The following KIF26A variants were observed in gnomAD, a reference collection of about 807,000 sequenced individuals.
KIF26A encodes the protein kinesin-like protein KIF26A.
In KIF26A, 74 loss-of-function variants were observed where a neutral mutation model predicts 126.0. The ratio of observed to expected loss-of-function variants is 0.59; its 90% CI spans 0.49 to 0.71. KIF26A has a LOEUF of 0.71. Ranked by LOEUF, KIF26A falls within the 30% of genes least tolerant of loss-of-function variation. KIF26A has a pLI of 0.00. For synonymous variants in KIF26A, 1,445 were observed against 1,232.7 expected (o/e 1.17, Z -3.61); for missense variants, 2,984 against 2,763.3 (o/e 1.08, Z -1.79).
chr14:104,139,815 C>T (rs1334021472), intron 2 of KIF26A, among the ~76,000 whole-genome samples: 3 of 152,220 alleles, frequency 2.0e-5, no homozygotes, highest in African/African-American at 7.2e-5. Flanking sequence ...AACTGTTGTC[C>T]CATACCTCCT....
chr14:104,157,757 C>A lies in KIF26A; in HGVS notation c.738C>A (p.Ala246=). 3.7e-6 allele frequency: 6 copies of A among 1,610,572 alleles called. No homozygotes were observed. Among genetic ancestry groups the A allele is most frequent in the Non-Finnish European group, 5.1e-6 (6 of 1,179,016 alleles). The change falls in exon 4 of 15, where the codon GCC becomes GCA. Residue 246 remains alanine, a splice_region_variant and synonymous_variant. Coordinates refer to ENST00000423312, the MANE Select transcript of KIF26A (RefSeq NM_015656.2). ...ACGCACTCTCTCCTTCCCTCCAGGCCGAGGCAGCGGTGGCGGCCGTGGCGG... is the reference window on the plus strand; with the variant it reads ...ACGCACTCTCTCCTTCCCTCCAGGCAGAGGCAGCGGTGGCGGCCGTGGCGG... ...VNSFLPPACL[A]EAAVAAVAVA... is the part of the protein sequence containing the mutation.
chr14:104,166,712 C>G (rs1046272847), intron 4 of KIF26A, 147 bp from the exon 5 acceptor site: 1 of 738,996 alleles, frequency 1.4e-6, no homozygotes, highest in East Asian at 2.8e-5. Flanking sequence ...AAATGAAGTG[C>G]AGGCCTCCCA....
chr14:104,142,231 G>A (rs2037644182), intron 2 of KIF26A, among the ~76,000 whole-genome samples: 1 of 152,126 alleles, frequency 6.6e-6, no homozygotes, highest in Non-Finnish European at 1.5e-5. Flanking sequence ...TGCCCCTGTT[G>A]GAGCCCCAGG....
rs113932829 is a variant in KIF26A, at chr14:104,178,526, C to A, written c.5111-24C>A. On this transcript the variant is annotated intron_variant, in intron 12 of 14. Coordinates refer to ENST00000423312, the MANE Select transcript of KIF26A (RefSeq NM_015656.2). Reference sequence around the variant, plus strand: ...TGGGCTGGGCCCCGCCTCTGTTCACCCTGTGCCCGGCTCTCCGTTCCAGGT... The same window carrying A: ...TGGGCTGGGCCCCGCCTCTGTTCACACTGTGCCCGGCTCTCCGTTCCAGGT... 9.1e-6 allele frequency: 13 copies of A among 1,432,486 alleles called. No individual in the cohort carries two copies. The African/African-American group carries it at 1.0e-4, about 11-fold the overall frequency. The allele number at this position is 1,432,486 out of a possible 1,614,324, so 88.7% of individuals were successfully genotyped here.
In KIF26A at chr14:104,171,861, C is replaced by T. The variant is rs767393449; in HGVS notation, c.1252C>T (p.Pro418Ser). The T allele has an allele frequency of 6.4e-7, 1 of 1,555,252 alleles. No homozygotes were observed. The highest frequency in any genetic ancestry group is 1.2e-5 in the South Asian group (1 of 84,224). The change falls in exon 6 of 15, where the codon CCC becomes TCC. Residue 418 changes from proline to serine, a missense_variant. Coordinates refer to ENST00000423312, the MANE Select transcript of KIF26A (RefSeq NM_015656.2). ...CGCCGGTCCCCCAGGCAGCGCAGGC[C>T]CCCGGCGAGCCGCCACTGCTGCAGT... ...PAAGPPGSAG[P>S]RRAATAAVPK...
chr14:104,176,382 G>A lies in KIF26A; in HGVS notation c.3594G>A (p.Arg1198=), dbSNP rs751532699. The A allele has an allele frequency of 1.3e-6, 2 of 1,586,610 alleles. No individual in the cohort carries two copies. The highest frequency in any genetic ancestry group is 8.6e-7 in the Non-Finnish European group (1 of 1,163,570). Residue 1198 remains arginine, a synonymous_variant, in exon 12 of 15, where the codon CGG becomes CGA. Transcript: ENST00000423312. ...GGGAGCCCCAGGCCGGGCCCTCGCG[G>A]TGGGCATCCGCAGCCCAGACCATCC... is the stretch of plus-strand genomic sequence containing the variant. ...PGREPQAGPS[R]WASAAQTIHS...
chr14:104,161,852 C>T (rs888015788), intron 4 of KIF26A, among the ~76,000 whole-genome samples: 3 of 152,192 alleles, frequency 2.0e-5, no homozygotes, highest in Admixed American at 6.5e-5. Flanking sequence ...GGTGAAGTTC[C>T]TGCTTTTCTG....
intron 2 of KIF26A, among the ~76,000 whole-genome samples, chr14:104,140,513 T>C (rs947003): frequency 0.017 from 2,643 of 152,302 alleles, 66 homozygotes; most frequent in African/African-American, 0.061. Flanking sequence ...GGCATTAAGA[T>C]TGAGCTGGTC....
intron 14 of KIF26A, 43 bp downstream of exon 14, chr14:104,179,429 G>A (rs1051722123): frequency 4.1e-6 from 6 of 1,457,460 alleles, no homozygotes; most frequent in Middle Eastern, 2.5e-4. Context: ...CCCACCGTGT[G>A]CCCTGACAGC....
rs1301608835 is a variant in KIF26A at position 104,180,583 on chromosome 14, G to A, written c.*793G>A. ...TGCCCATAAATGCGGAATTTGCCGT[G>A]GGAATTTGAAGACAAATGATCTATG... On this transcript the variant is annotated 3_prime_UTR_variant, in exon 15 of 15. Coordinates refer to ENST00000423312, the MANE Select transcript of KIF26A (RefSeq NM_015656.2). The A allele has an allele frequency of 6.5e-6, 1 of 153,274 alleles. No homozygotes were observed. The highest frequency in any genetic ancestry group is 1.5e-5 in the Non-Finnish European group (1 of 68,216). The allele number at this position is 153,274 out of a possible 1,614,324, so 9.5% of individuals were successfully genotyped here.
intron 2 of KIF26A, among the ~76,000 whole-genome samples, chr14:104,144,452 C>T (rs925467920): frequency 1.3e-5 from 2 of 152,168 alleles, no homozygotes; most frequent in Non-Finnish European, 2.9e-5. Context: ...TACCCCCAAA[C>T]CTTCAGCTGC....
At chr14:104,165,270 T>G (rs970563557) in intron 4 of KIF26A, among the ~76,000 whole-genome samples, 1 of 151,954 alleles carries the variant, frequency 6.6e-6, no homozygotes, top group African/African-American at 2.4e-5. Context: ...TGTGTCTGTA[T>G]CTCTATGCAT....
At position 104,179,803 on chromosome 14, in the gene KIF26A, G is replaced by T. The variant is rs1440687195; in HGVS notation, c.*13G>T. 6.6e-7 allele frequency: 1 copy of T among 1,514,164 alleles called. No homozygotes were observed. The highest frequency in any genetic ancestry group is 1.3e-5 in the South Asian group (1 of 78,738). The allele number at this position is 1,514,164 out of a possible 1,614,324, so 93.8% of individuals were successfully genotyped here. ...GGTGGACGTCTGAGGCTGGGCGCCGGACAAGAGGAGGGGGCGTGCAGCGGG... is the reference window on the plus strand; with the variant it reads ...GGTGGACGTCTGAGGCTGGGCGCCGTACAAGAGGAGGGGGCGTGCAGCGGG... On this transcript the variant is annotated 3_prime_UTR_variant, in exon 15 of 15. Transcript: ENST00000423312.
rs113737823 is a variant in KIF26A at position 104,138,995 on chromosome 14, G to C, written c.43-48G>C. The C allele has an allele frequency of 6.8e-3, 9,051 of 1,322,924 alleles. 538 individuals carry two copies. The African/African-American group carries it at 0.12, about 18-fold the overall frequency. 81.9% of individuals were successfully genotyped at this position (1,322,924 alleles called of 1,614,324 possible). On this transcript the variant is annotated intron_variant, in intron 1 of 14. Transcript: ENST00000423312. ...GCAGGGCGCGCAGGGGTCTGGATCCGACGGACGTCCCAGGCTCACTGTCCG... is the reference window on the plus strand; with the variant it reads ...GCAGGGCGCGCAGGGGTCTGGATCCCACGGACGTCCCAGGCTCACTGTCCG...
Position 104,175,228 on chromosome 14 carries a change from T to G in KIF26A, c.2440T>G (p.Phe814Val). The change falls in exon 12 of 15, where the codon TTC becomes GTC. Residue 814 changes from phenylalanine (F) to valine (V), a missense_variant. Phe to Val is a conservative substitution (Grantham distance 50). Transcript: ENST00000423312. ...CACCGACAACGAAGGTCCGCCTGAC[T>G]TCGTGCCCATCATCCCTGCCCTGAG... ...ELTDNEGPPDFVPIIPALSRH... is the reference protein window; with the variant it reads ...ELTDNEGPPDVVPIIPALSRH... 6.2e-7 allele frequency: 1 copy of G among 1,609,558 alleles called. No homozygotes were observed. Among genetic ancestry groups the G allele is most frequent in the African/African-American group, 1.3e-5 (1 of 75,026 alleles).
rs980530474 is a variant in KIF26A, at chr14:104,148,089, G to C, written c.289-3926G>C. 6.6e-6 allele frequency among the ~76,000 whole-genome samples: 1 copy of C among 152,220 alleles called. No individual in the cohort carries two copies. The highest frequency in any genetic ancestry group is 1.5e-5 in the Non-Finnish European group (1 of 68,036). ...TTTCCCATGGGCAGTGGCTTGGCTG[G>C]AGTGGGGAGACTTCTCTCCTGCAGT... is the stretch of plus-strand genomic sequence containing the variant. On this transcript the variant is annotated intron_variant, in intron 2 of 14. Transcript: ENST00000423312. This position sits in a 1 kb window ranked among gnomAD's most constrained non-coding sequence, Gnocchi z 4.3.
intron 1 of KIF26A, 56 bp downstream of exon 1, chr14:104,138,820 A>G: frequency 1.6e-6 from 2 of 1,251,704 alleles, no homozygotes; most frequent in Non-Finnish European, 2.0e-6. Flanking sequence ...GGGACGGCGA[A>G]GATACTCGCG....
chr14:104,163,091 C>CGTG (rs746385194), intron 4 of KIF26A, among the ~76,000 whole-genome samples: 29 of 152,054 alleles, frequency 1.9e-4, no homozygotes, highest in Admixed American at 5.2e-4. Context: ...AACCCAAGGT[C>CGTG]GTGGGGTGGG....
In KIF26A at chr14:104,169,749, C is replaced by T. The variant is rs138079592; in HGVS notation, c.1114-1974C>T. 1.4e-3 allele frequency among the ~76,000 whole-genome samples: 206 copies of T among 152,364 alleles called. 2 individuals carry two copies. Among genetic ancestry groups the T allele is most frequent in the African/African-American group, 4.6e-3 (191 of 41,588 alleles). ...GTGCTGAGCAGCGCCCTTCCCCCTCCCTGCCTGGGCTACCTCTTCAGAGCT... is the reference window on the plus strand; with the variant it reads ...GTGCTGAGCAGCGCCCTTCCCCCTCTCTGCCTGGGCTACCTCTTCAGAGCT... On this transcript the variant is annotated intron_variant, in intron 5 of 14. Transcript: ENST00000423312.
Sources: gnomAD v4.1 joint callset for allele counts (sites outside exome capture counted in the v4.1 genomes callset) on GRCh38, gnomAD v4.1.1 for gene constraint, Gnocchi (gnomAD v3.1) non-coding constraint, MANE v1.5 for transcripts, NCBI Gene and HGNC (gene_info 2026-07-23, HGNC 2026-07-21) for gene names.